Variants in CTTNBP2 observed in about 807,000 individuals in gnomAD.
The protein encoded by CTTNBP2 is cortactin binding protein 2.
A neutral mutation model predicts 156.9 loss-of-function variants in CTTNBP2; 108 were observed. The observed-to-expected ratio is 0.69, with a 90% CI of 0.59 to 0.81. CTTNBP2 has a LOEUF of 0.81. CTTNBP2 is among the 30% of genes least tolerant of loss of function. The probability of loss-of-function intolerance (pLI) is 0.00; values close to 1 mark genes in which losing one functional copy is unlikely to be tolerated. For synonymous variants in CTTNBP2, 767 were observed against 751.8 expected (o/e 1.02, Z -0.33); for missense variants, 1,924 against 2,035.4 (o/e 0.95, Z 1.05).
chr7:117,711,975 A>C (rs1794086865), intron 22 of CTTNBP2, among the ~76,000 whole-genome samples, 193 bp from the exon 23 acceptor site: 1 of 152,206 alleles, frequency 6.6e-6, no homozygotes, highest in Non-Finnish European at 1.5e-5. Flanking sequence ...ATTTTCATTA[A>C]TCCATCTGCT....
At chr7:117,797,041 G>T (rs1350405468) in intron 3 of CTTNBP2, among the ~76,000 whole-genome samples, 1 of 152,212 alleles carries the variant, frequency 6.6e-6, no homozygotes, top group Non-Finnish European at 1.5e-5. Context: ...CATTGGATGA[G>T]ATTTGCCTTC....
chr7:117,786,651 T>G (rs1243816995), intron 4 of CTTNBP2, among the ~76,000 whole-genome samples: 1 of 152,124 alleles, frequency 6.6e-6, no homozygotes, highest in Non-Finnish European at 1.5e-5. Context: ...ATCCAAGGGG[T>G]CTTGGTTGTT....
intron 14 of CTTNBP2, among the ~76,000 whole-genome samples, chr7:117,737,061 A>T (rs946384799): frequency 2.6e-5 from 4 of 152,174 alleles, no homozygotes; most frequent in African/African-American, 9.7e-5. Context: ...TGAAAATTTA[A>T]AATCTAGAAG....
intron 6 of CTTNBP2, 51 bp downstream of exon 6, chr7:117,782,811 T>C (rs775087597): frequency 7.5e-7 from 1 of 1,334,592 alleles, no homozygotes; most frequent in Non-Finnish European, 1.1e-6. Context: ...GTGCAAATTA[T>C]AAAAAGAGGC....
chr7:117,749,681 A>AT (rs1796522469), intron 12 of CTTNBP2, among the ~76,000 whole-genome samples: 1 of 152,082 alleles, frequency 6.6e-6, no homozygotes, highest in Non-Finnish European at 1.5e-5. Flanking sequence ...TAAATGCCCA[A>AT]TTTTCTAAGT....
chr7:117,732,005 T>G, intron 16 of CTTNBP2, among the ~76,000 whole-genome samples: 1 of 152,320 alleles, frequency 6.6e-6, no homozygotes, highest in Non-Finnish European at 1.5e-5. Flanking sequence ...TTTTTTTAAC[T>G]TAATAAGAAT....
At chr7:117,844,663 G>C (rs1286672764) in intron 2 of CTTNBP2, among the ~76,000 whole-genome samples, 1 of 152,130 alleles carries the variant, frequency 6.6e-6, no homozygotes, top group Non-Finnish European at 1.5e-5. Flanking sequence ...GGGAAGGCAG[G>C]GTGGATTTGA....
chr7:117,866,891 C>A, intron 1 of CTTNBP2, among the ~76,000 whole-genome samples: 1 of 152,102 alleles, frequency 6.6e-6, no homozygotes, highest in Non-Finnish European at 1.5e-5. Context: ...ATAGTGCATG[C>A]CAATAATAAT....
chr7:117,754,486 C>G (rs1270298810), intron 12 of CTTNBP2, among the ~76,000 whole-genome samples: 1 of 152,170 alleles, frequency 6.6e-6, no homozygotes, highest in Non-Finnish European at 1.5e-5. Context: ...AAAACACCAC[C>G]TGCATTTAAG....
chr7:117,867,163 C>T (rs1032254073), intron 1 of CTTNBP2, among the ~76,000 whole-genome samples: 1 of 152,184 alleles, frequency 6.6e-6, no homozygotes, highest in Non-Finnish European at 1.5e-5. Flanking sequence ...TCTGAAGTTA[C>T]TTCTTGCCTT....
At chr7:117,781,607 G>A (rs559049286) in intron 6 of CTTNBP2, among the ~76,000 whole-genome samples, 13 of 152,286 alleles carry the variant, frequency 8.5e-5, no homozygotes, top group Admixed American at 2.6e-4. Flanking sequence ...GTGTGGTGGC[G>A]TACACCTGTA....
chr7:117,797,485 A>G (rs1799381601), intron 3 of CTTNBP2, among the ~76,000 whole-genome samples: 1 of 152,112 alleles, frequency 6.6e-6, no homozygotes, highest in Non-Finnish European at 1.5e-5. Flanking sequence ...GTCAATAAAA[A>G]CCGGCCCAAG....
intron 4 of CTTNBP2, among the ~76,000 whole-genome samples, chr7:117,790,753 C>T (rs758211005): frequency 3.9e-5 from 6 of 152,058 alleles, no homozygotes; most frequent in African/African-American, 9.7e-5. Flanking sequence ...GAATTGAACA[C>T]GTACTGTCTG....
chr7:117,752,066 C>T (rs1345143132), intron 12 of CTTNBP2, among the ~76,000 whole-genome samples: 1 of 152,168 alleles, frequency 6.6e-6, no homozygotes, highest in Admixed American at 6.5e-5. Flanking sequence ...CCTCTGCTAC[C>T]AGGGTTGTGG....
chr7:117,808,291 A>C (rs1800067351), intron 3 of CTTNBP2, among the ~76,000 whole-genome samples: 1 of 152,118 alleles, frequency 6.6e-6, no homozygotes, highest in African/African-American at 2.4e-5. Flanking sequence ...CAAGATTAAA[A>C]AAAAAAAACC....
Position 117,752,888 on chromosome 7 carries a change from A to G in CTTNBP2, c.3348+3667T>C, listed in dbSNP as rs1796686633. ...ATAGAAAGATTAAATGAGATTATCC[A>G]TATATTTAGAATAGAGGTTGGTGTA... On this transcript the variant is annotated intron_variant, in intron 12 of 22. Coordinates refer to ENST00000160373, the MANE Select transcript of CTTNBP2 (RefSeq NM_033427.3). Among the ~76,000 whole-genome samples the G allele has an allele frequency of 3.9e-5, 6 of 152,318 alleles. No homozygotes were observed. In the South Asian group the frequency reaches 1.2e-3, roughly 32 times the overall value.
chr7:117,782,523 G>A (rs1240351826), intron 6 of CTTNBP2, among the ~76,000 whole-genome samples: 1 of 152,120 alleles, frequency 6.6e-6, no homozygotes, highest in East Asian at 1.9e-4. Context: ...CTTTTAGGGG[G>A]TTGGAATGGT....
chr7:117,731,728 G>A (rs1382106397), intron 16 of CTTNBP2, among the ~76,000 whole-genome samples: 4 of 152,210 alleles, frequency 2.6e-5, no homozygotes, highest in Admixed American at 2.0e-4. Context: ...CTGGATGACT[G>A]ATAACAAAAA....
chr7:117,824,207 T>A (rs1801145017), intron 2 of CTTNBP2, among the ~76,000 whole-genome samples: 2 of 151,860 alleles, frequency 1.3e-5, no homozygotes, highest in Admixed American at 6.6e-5. Flanking sequence ...ATTAAGCCAA[T>A]TCTTTTTCTT....
Sources: gnomAD v4.1 joint callset for allele counts (sites outside exome capture counted in the v4.1 genomes callset) on GRCh38, gnomAD v4.1.1 for gene constraint, MANE v1.5 for transcripts, NCBI Gene and HGNC (gene_info 2026-07-23, HGNC 2026-07-21) for gene names.